Variants in PRIMPOL observed in about 807,000 individuals in gnomAD.
PRIMPOL encodes DNA-directed primase/polymerase protein.
Under a neutral mutation model 63.6 loss-of-function variants are expected in PRIMPOL, and 54 were observed. That is an observed-to-expected ratio of 0.85 (90% CI 0.68 to 1.07). The LOEUF (loss-of-function observed/expected upper bound fraction) is 1.07. Among genes scored for constraint, PRIMPOL ranks in the 50% least tolerant of loss-of-function variants. The pLI is 0.00. For missense variants in PRIMPOL, 610 were observed against 648.3 expected, an observed-to-expected ratio of 0.94 and a Z score of 0.64; for synonymous variants, 197 against 220.2, an observed-to-expected ratio of 0.89 and a Z score of 0.93.
intron 5 of PRIMPOL, among the ~76,000 whole-genome samples, chr4:184,665,163 G>A (rs754692395): frequency 2.6e-5 from 4 of 152,046 alleles, no homozygotes; most frequent in Admixed American, 6.6e-5. Flanking sequence ...CACAACCAAG[G>A]CTTTTTTAAG....
intron 2 of PRIMPOL, among the ~76,000 whole-genome samples, chr4:184,654,044 C>T (rs1045094715): frequency 2.0e-5 from 3 of 152,222 alleles, no homozygotes; most frequent in African/African-American, 7.2e-5. Context: ...TGTTGATGCT[C>T]ATGGTTTCCC....
Position 184,694,586 on chromosome 4 carries a change from A to G in PRIMPOL, c.1490A>G (p.Lys497Arg). 3 of 1,614,166 alleles carry G rather than the reference A, an allele frequency of 1.9e-6. No homozygotes were observed. Among genetic ancestry groups the G allele is most frequent in the Non-Finnish European group, 2.5e-6 (3 of 1,179,998 alleles). The change falls in exon 14 of 14, where the codon AAA (lysine) becomes AGA (arginine). Residue 497 changes from lysine to arginine, a missense_variant. By Grantham distance (26) the Lys-to-Arg change is conservative (BLOSUM62 2). Around this residue, in one of 3 missense-constraint regions of PRIMPOL, gnomAD observed 444 missense variants for 456.4 expected, o/e 0.97. Coordinates refer to ENST00000314970, the MANE Select transcript of PRIMPOL (RefSeq NM_152683.4). Reference sequence around the variant, plus strand: ...AGCAATGAAACCCAGAATCCTCATAAACCATCACCTAGCAGGCTGTCAACA... The same window carrying G: ...AGCAATGAAACCCAGAATCCTCATAGACCATCACCTAGCAGGCTGTCAACA... ...TRSNETQNPH[K>R]PSPSRLSTGA...
chr4:184,684,910 C>T (rs1756622199), intron 9 of PRIMPOL, among the ~76,000 whole-genome samples: 2 of 151,960 alleles, frequency 1.3e-5, no homozygotes, highest in Non-Finnish European at 2.9e-5. Context: ...GGGTGTTGGT[C>T]ATGTTTGTGG....
At position 184,672,201 on chromosome 4, in the gene PRIMPOL, T is replaced by A; in HGVS notation, c.585T>A (p.Pro195=). 1 of 1,606,350 alleles carries A rather than the reference T, an allele frequency of 6.2e-7. No individual in the cohort carries two copies. Among genetic ancestry groups the A allele is most frequent in the Non-Finnish European group, 8.5e-7 (1 of 1,177,956 alleles). The part of the protein sequence containing the change: ...VGNFLRKILQ[P]ALDLLGSEDD... The stretch of plus-strand genomic sequence containing the variant: ...ATTTTTTGAGAAAAATTTTGCAGCC[T>A]GCTCTTGACTTGCTTGGCAGTGAAG... The change falls in exon 7 of 14, where the codon CCT becomes CCA. Residue 195 remains proline (P), a synonymous_variant. Coordinates refer to ENST00000314970, the MANE Select transcript of PRIMPOL (RefSeq NM_152683.4).
In PRIMPOL at chr4:184,657,245, A is replaced by G. The variant is rs749144358; in HGVS notation, c.105A>G (p.Pro35=). ...TGTATAGACCAAGATTGTCCAAGCC[A>G]GAAGAACCACCCTCCATCTGGAGAC... is the stretch of plus-strand genomic sequence containing the variant. ...SSVYRPRLSK[P]EEPPSIWRLF... Residue 35 remains proline, a synonymous_variant, in exon 3 of 14, where the codon CCA becomes CCG. Transcript: ENST00000314970. The G allele has an allele frequency of 1.2e-6, 2 of 1,613,916 alleles. No individual in the cohort carries two copies. Among genetic ancestry groups the G allele is most frequent in the South Asian group, 1.1e-5 (1 of 91,070 alleles).
chr4:184,683,683 T>C (rs1756259948), intron 9 of PRIMPOL, among the ~76,000 whole-genome samples: 2 of 152,192 alleles, frequency 1.3e-5, no homozygotes, highest in African/African-American at 4.8e-5. Context: ...TATAGCTCTG[T>C]CATAACTTAC....
At chr4:184,662,866 G>A (rs1266229593) in intron 5 of PRIMPOL, among the ~76,000 whole-genome samples, 5 of 151,282 alleles carry the variant, frequency 3.3e-5, no homozygotes, top group Non-Finnish European at 7.4e-5. Flanking sequence ...GCTTTATCCT[G>A]GCTTTGAAGC....
intron 7 of PRIMPOL, among the ~76,000 whole-genome samples, chr4:184,677,623 C>G (rs1489481807): frequency 6.6e-6 from 1 of 151,486 alleles, no homozygotes; most frequent in African/African-American, 2.4e-5. Context: ...AGTTATTGAC[C>G]TTTTGCACTT....
chr4:184,659,334 A>G lies in PRIMPOL; in HGVS notation c.181-6A>G, dbSNP rs745616198. On this transcript the variant is annotated splice_polypyrimidine_tract_variant and splice_region_variant and intron_variant, in intron 3 of 13. Transcript: ENST00000314970. ...TTTTTCTGAATTCTTTTTTGATTTT[A>G]TGCAGGACGTTCATGTATTTGCTTT... 14 of 1,607,082 alleles carry G rather than the reference A, an allele frequency of 8.7e-6. No homozygotes were observed. In the South Asian group the frequency reaches 1.5e-4, roughly 18 times the overall value.
intron 6 of PRIMPOL, among the ~76,000 whole-genome samples, chr4:184,671,384 T>G (rs1175457379): frequency 6.6e-6 from 1 of 152,180 alleles, no homozygotes; most frequent in Non-Finnish European, 1.5e-5. Context: ...CGAGATTTCC[T>G]CAGTGCTTCT....
chr4:184,674,224 A>T (rs762793104), intron 7 of PRIMPOL, among the ~76,000 whole-genome samples: 12 of 152,220 alleles, frequency 7.9e-5, no homozygotes, highest in Non-Finnish European at 1.2e-4. Flanking sequence ...TCCAGAGAGG[A>T]TGGGGAAATC....
At chr4:184,669,385 C>T (rs954477205) in intron 6 of PRIMPOL, among the ~76,000 whole-genome samples, 4 of 152,322 alleles carry the variant, frequency 2.6e-5, no homozygotes, top group Non-Finnish European at 5.9e-5. Context: ...AGTGTGTGGC[C>T]TTCATGCCCA....
chr4:184,651,467 CT>C lies in PRIMPOL; in HGVS notation c.-137-555del, dbSNP rs555439211. Among the ~76,000 whole-genome samples, 5 of 152,244 alleles carry C rather than the reference CT, an allele frequency of 3.3e-5. No individual in the cohort carries two copies. The East Asian group carries it at 9.6e-4, about 29-fold the overall frequency. On this transcript the variant is annotated intron_variant, in intron 1 of 13. Transcript: ENST00000314970. ...CAATAAAACTGAGAAATAGGACCCA[CT>C]CCCAACCTTAACAGTGGCTCTGCAG...
At chr4:184,690,881 G>A (rs1285611607) in intron 11 of PRIMPOL, among the ~76,000 whole-genome samples, 1 of 152,048 alleles carries the variant, frequency 6.6e-6, no homozygotes, top group Non-Finnish European at 1.5e-5. Context: ...TTGAACCATT[G>A]GTTGTTTCAA....
chr4:184,653,895 T>G (rs1261855706), intron 2 of PRIMPOL, among the ~76,000 whole-genome samples: 1 of 152,206 alleles, frequency 6.6e-6, no homozygotes, highest in Admixed American at 6.5e-5. Flanking sequence ...TCCATTTCCT[T>G]TGCTTTTTGT....
intron 13 of PRIMPOL, 80 bp from the exon 14 acceptor site, chr4:184,694,442 A>G (rs1214308173): frequency 2.7e-6 from 4 of 1,506,396 alleles, no homozygotes; most frequent in Admixed American, 2.1e-5. Flanking sequence ...TTACTTCAAC[A>G]TAGAGTATAA....
intron 11 of PRIMPOL, among the ~76,000 whole-genome samples, chr4:184,686,689 G>C (rs569596867): frequency 6.6e-6 from 1 of 152,152 alleles, no homozygotes; most frequent in Admixed American, 6.5e-5. Context: ...AGCAACTCCC[G>C]TATCCTCAAG....
intron 2 of PRIMPOL, among the ~76,000 whole-genome samples, chr4:184,656,808 TA>T (rs1398963617): frequency 6.6e-6 from 1 of 152,226 alleles, no homozygotes; most frequent in Non-Finnish European, 1.5e-5. Flanking sequence ...GCTAAGTATA[TA>T]AAGTACTCAA....
intron 11 of PRIMPOL, among the ~76,000 whole-genome samples, chr4:184,686,706 C>A (rs1042513111): frequency 6.6e-6 from 1 of 152,160 alleles, no homozygotes; most frequent in South Asian, 2.1e-4. Context: ...CAAGCATATG[C>A]GGCCTGTGTG....
Sources: allele counts gnomAD v4.1 joint callset (sites outside exome capture counted in the v4.1 genomes callset), GRCh38; gene constraint gnomAD v4.1.1; regional missense constraint gnomAD v4.1.1; transcripts MANE v1.5; gene names NCBI Gene and HGNC (gene_info 2026-07-23, HGNC 2026-07-21).